Variants in PHEX observed in about 807,000 individuals in gnomAD.
PHEX encodes phosphate regulating endopeptidase X-linked.
PHEX carries 16 observed loss-of-function variants against 68.0 expected under a neutral mutation model. The ratio of observed to expected loss-of-function variants is 0.24; its 90% CI spans 0.16 to 0.36. PHEX has a LOEUF of 0.36. Ranked by LOEUF, PHEX falls within the 10% of genes least tolerant of loss-of-function variation. The probability of loss-of-function intolerance (pLI) is 1.00; values close to 1 mark genes in which losing one functional copy is unlikely to be tolerated. For synonymous variants in PHEX, 208 were observed against 205.1 expected, an observed-to-expected ratio of 1.01 and a Z score of -0.12; for missense variants, 480 against 575.5, an observed-to-expected ratio of 0.83 and a Z score of 1.70.
rs1003719266 is a variant in PHEX at position 22,214,955 on chromosome X, A to G, written c.1700+1997A>G. Among the ~76,000 whole-genome samples the G allele has an allele frequency of 2.7e-5, 3 of 111,773 alleles. No homozygotes were observed. In the South Asian group the frequency reaches 1.1e-3, roughly 42 times the overall value. On this transcript the variant is annotated intron_variant, in intron 16 of 21. Transcript: ENST00000379374. ...GCCCTGCTTTTAAGTTTAGAAATAT[A>G]TATATATCTAAAAAATTAAAGGTTT...
chrX:22,076,845 C>A (rs1448297757), intron 4 of PHEX, among the ~76,000 whole-genome samples: 2 of 111,632 alleles, frequency 1.8e-5, no homozygotes, highest in African/African-American at 6.6e-5. Flanking sequence ...CTAGAGAAAT[C>A]CAGATTCCCA....
intron 12 of PHEX, among the ~76,000 whole-genome samples, chrX:22,154,860 C>T (rs16981793): frequency 0.016 from 1,816 of 112,268 alleles, 31 homozygotes; most frequent in African/African-American, 0.056. Context: ...TATGTGGGCA[C>T]TGGCCCTATG....
intron 15 of PHEX, among the ~76,000 whole-genome samples, chrX:22,199,028 A>G (rs1376665893): frequency 9.0e-6 from 1 of 111,417 alleles, no homozygotes; most frequent in African/African-American, 3.3e-5. Context: ...ATTCACTATC[A>G]TGAGAACAGC....
chrX:22,244,433 TA>T (rs11311631), intron 20 of PHEX, among the ~76,000 whole-genome samples: 48,979 of 103,646 alleles, frequency 0.47, 10,028 homozygotes, highest in African/African-American at 0.76. Flanking sequence ...TAAAGTATAA[TA>T]AAAAAAAAAA....
intron 11 of PHEX, among the ~76,000 whole-genome samples, chrX:22,125,973 G>T (rs1931701176): frequency 9.0e-6 from 1 of 111,329 alleles, no homozygotes; most frequent in Non-Finnish European, 1.9e-5. Flanking sequence ...AAAGATATTT[G>T]ATTCAATTTC....
intron 11 of PHEX, among the ~76,000 whole-genome samples, chrX:22,128,834 G>A (rs1485828341): frequency 1.0e-5 from 1 of 96,240 alleles, no homozygotes; most frequent in Non-Finnish European, 2.1e-5. Context: ...CCTTATCTGA[G>A]ACAGATACTT....
intron 10 of PHEX, among the ~76,000 whole-genome samples, chrX:22,114,246 G>T (rs760408378): frequency 9.0e-6 from 1 of 110,658 alleles, no homozygotes; most frequent in Non-Finnish European, 1.9e-5. Context: ...CACTTTGACC[G>T]GCCTAAAACA....
intron 20 of PHEX, among the ~76,000 whole-genome samples, chrX:22,229,479 T>A (rs1347799207): frequency 8.9e-6 from 1 of 112,466 alleles, no homozygotes; most frequent in Admixed American, 9.4e-5. Flanking sequence ...GATTTGCATT[T>A]CTCTAATGAC....
chrX:22,174,047 C>T (rs1300677135), intron 13 of PHEX, among the ~76,000 whole-genome samples: 1 of 111,978 alleles, frequency 8.9e-6, no homozygotes, highest in Non-Finnish European at 1.9e-5. Context: ...TAACTTTATT[C>T]TTCCATTTAG....
chrX:22,232,596 C>CTTTTTTTGTT (rs1935795049), intron 20 of PHEX, among the ~76,000 whole-genome samples: 1 of 18,549 alleles, frequency 5.4e-5, no homozygotes, highest in Non-Finnish European at 1.0e-4. Flanking sequence ...GCCACTTCTG[C>CTTTTTTTGTT]TTTTTTTTTT....
chrX:22,248,901 CCCAT>C lies in PHEX; in HGVS notation c.*949_*952del, dbSNP rs1936470164. The C allele has an allele frequency of 9.3e-6, 1 of 107,846 alleles. No homozygotes were observed. The highest frequency in any genetic ancestry group is 4.0e-4 in the South Asian group (1 of 2,499). The allele number at this position is 107,846 out of a possible 1,213,427, so 8.9% of individuals were successfully genotyped here. A position where few individuals can be genotyped will look rare whatever the true frequency, so the allele number is the denominator to read the frequency against. On this transcript the variant is annotated 3_prime_UTR_variant, in exon 22 of 22. Transcript: ENST00000379374. The stretch of plus-strand genomic sequence containing the variant: ...CATTGAGAAAACAATTTTCTGATTC[CCCAT>C]TAGGAACATATGATTTTCATTTCCC...
chrX:22,073,299 G>T (rs765665511), intron 3 of PHEX, among the ~76,000 whole-genome samples: 1 of 113,127 alleles, frequency 8.8e-6, no homozygotes, highest in Non-Finnish European at 1.9e-5. Context: ...CAAGATGGGG[G>T]CTTTCTGTGT....
intron 1 of PHEX, 29 bp downstream of exon 1, chrX:22,033,152 C>T: frequency 9.7e-7 from 1 of 1,031,591 alleles, no homozygotes; most frequent in Non-Finnish European, 1.4e-6. Context: ...GCCGGGGGAA[C>T]TGGGTGTGTG....
At position 22,076,370 on chromosome X, in the gene PHEX, C is replaced by G. The variant is rs1283932566; in HGVS notation, c.350-18C>G. On this transcript the variant is annotated intron_variant, in intron 3 of 21. Transcript: ENST00000379374. ...ATATGTGGGTGGATACTAATGAATC[C>G]TTTCTTAACCTTCCCAGAACTTTTG... 9 of 1,173,510 alleles carry G rather than the reference C, an allele frequency of 7.7e-6. No homozygotes were observed. Among genetic ancestry groups the G allele is most frequent in the Non-Finnish European group, 1.0e-5 (9 of 862,124 alleles).
At chrX:22,214,668 A>T (rs1935028668) in intron 16 of PHEX, among the ~76,000 whole-genome samples, 1 of 111,834 alleles carries the variant, frequency 8.9e-6, no homozygotes, top group Non-Finnish European at 1.9e-5. Flanking sequence ...TGCCCATCCT[A>T]GGCCAAGAGG....
intron 15 of PHEX, among the ~76,000 whole-genome samples, chrX:22,206,274 T>C (rs1297682412): frequency 9.0e-6 from 1 of 111,715 alleles, no homozygotes. Flanking sequence ...TTTTAAACTT[T>C]GTCTAACAAG....
intron 19 of PHEX, among the ~76,000 whole-genome samples, chrX:22,227,235 G>T (rs2032425994): frequency 8.9e-6 from 1 of 112,422 alleles, no homozygotes; most frequent in Admixed American, 9.4e-5. Context: ...TCCCCTGCTA[G>T]GAATGGAAAG....
chrX:22,047,787 A>G (rs1258668439), intron 3 of PHEX, among the ~76,000 whole-genome samples: 1 of 111,634 alleles, frequency 9.0e-6, no homozygotes, highest in East Asian at 2.8e-4. Flanking sequence ...TCTCAAATAC[A>G]TTCCCCTGCC....
rs386824233 is a variant in PHEX, at chrX:22,234,864, ATG to A, written c.2070+7254_2070+7255del. Among the ~76,000 whole-genome samples the A allele has an allele frequency of 5.7e-3, 629 of 110,296 alleles. 6 individuals carry two copies. Among genetic ancestry groups the A allele is most frequent in the African/African-American group, 0.02 (607 of 30,376 alleles). ...ACACACACACAGAAAAACAACAACA[ATG>A]AAACAACAAAAAACTCTTGCAGCTA... On this transcript the variant is annotated intron_variant, in intron 20 of 21. Transcript: ENST00000379374.
Sources: allele counts gnomAD v4.1 joint callset (sites outside exome capture counted in the v4.1 genomes callset), GRCh38; gene constraint gnomAD v4.1.1; transcripts MANE v1.5; gene names NCBI Gene and HGNC (gene_info 2026-07-23, HGNC 2026-07-21).